TRPM3: variants seen among roughly 807,000 people sequenced by gnomAD.
TRPM3 encodes the protein long transient receptor potential channel 3.
TRPM3 carries 77 observed loss-of-function variants against 181.2 expected under a neutral mutation model. The ratio of observed to expected loss-of-function variants is 0.42; its 90% CI spans 0.35 to 0.51. TRPM3 has a LOEUF of 0.51. Ranked by LOEUF, TRPM3 falls within the 20% of genes least tolerant of loss-of-function variation. The pLI is 0.01. For synonymous variants in TRPM3, 745 were observed against 796.4 expected (o/e 0.94, Z 1.09); for missense variants, 1,759 against 2,196.7 (o/e 0.80, Z 3.98).
chr9:71,426,160 C>T (rs1014122340), intron 1 of TRPM3, among the ~76,000 whole-genome samples: 3 of 152,080 alleles, frequency 2.0e-5, no homozygotes, highest in African/African-American at 4.8e-5. Flanking sequence ...GTAAGCCCAG[C>T]GCCTAGGACA....
chr9:70,547,341 A>C (rs2045250987), intron 25 of TRPM3, among the ~76,000 whole-genome samples: 1 of 152,026 alleles, frequency 6.6e-6, no homozygotes, highest in Non-Finnish European at 1.5e-5. Context: ...TGCTCAATCA[A>C]ATGTAAATAA....
chr9:71,305,991 A>T (rs559201509), intron 1 of TRPM3, among the ~76,000 whole-genome samples: 1 of 152,242 alleles, frequency 6.6e-6, no homozygotes, highest in Non-Finnish European at 1.5e-5. Flanking sequence ...TACACACTAA[A>T]CTTTCCCATT....
rs183905516 is a variant in TRPM3 at position 71,320,337 on chromosome 9, T to G, written c.183+126316A>C. Among the ~76,000 whole-genome samples, 534 of 149,020 alleles carry G rather than the reference T, an allele frequency of 3.6e-3. 2 individuals are homozygous for G. Among genetic ancestry groups the G allele is most frequent in the Non-Finnish European group, 5.4e-3 (362 of 67,224 alleles). ...TGTTAATTAAAAAAAAAAAAACAAA[T>G]GCTTATTACATGGTCTGAACACTGA... On this transcript the variant is annotated intron_variant, in intron 1 of 24. Transcript: ENST00000357533.
chr9:71,333,859 G>C (rs2090381298), intron 1 of TRPM3, among the ~76,000 whole-genome samples: 1 of 151,918 alleles, frequency 6.6e-6, no homozygotes, highest in South Asian at 2.1e-4. Flanking sequence ...CCAGATTCCA[G>C]TGTGTGAAAT....
At position 71,094,091 on chromosome 9, in the gene TRPM3, G is replaced by T. The variant is rs559802708; in HGVS notation, c.177+27087C>A. ...TCACACACTGGGGCCTGTCAGGGGT[G>T]GGGGTGGGGGGCAAGGGGAGGGAGA... On this transcript the variant is annotated intron_variant, in intron 1 of 25. Transcript: ENST00000677713. Among the ~76,000 whole-genome samples the T allele has an allele frequency of 1.3e-5, 2 of 149,798 alleles. 1 individual carries two copies. The highest frequency in any genetic ancestry group is 4.0e-4 in the East Asian group (2 of 5,016).
At chr9:70,967,911 G>A (rs1186830193) in intron 1 of TRPM3, among the ~76,000 whole-genome samples, 1 of 152,024 alleles carries the variant, frequency 6.6e-6, no homozygotes, top group Non-Finnish European at 1.5e-5. Flanking sequence ...CCATAGAAAC[G>A]AAGCTGGAAT....
rs371817323 is a variant in TRPM3, at chr9:70,876,024, C to T, written c.178-11513G>A. Among the ~76,000 whole-genome samples, 234 of 151,874 alleles carry T rather than the reference C, an allele frequency of 1.5e-3. 1 individual carries two copies. The highest frequency in any genetic ancestry group is 4.8e-3 in the African/African-American group (197 of 41,468). ...TTATGCAGATTTAGATCCTCAACTGCTCCAAATAAAAAGGTAGAAGGGTAA... is the reference window on the plus strand; with the variant it reads ...TTATGCAGATTTAGATCCTCAACTGTTCCAAATAAAAAGGTAGAAGGGTAA... On this transcript the variant is annotated intron_variant, in intron 1 of 25. Transcript: ENST00000677713.
intron 1 of TRPM3, among the ~76,000 whole-genome samples, chr9:70,907,947 A>G (rs777559958): frequency 1.3e-5 from 2 of 152,276 alleles, no homozygotes; most frequent in Non-Finnish European, 2.9e-5. Context: ...TCTTTATCCA[A>G]TCCACAACTG....
At chr9:71,102,752 T>C (rs2068640446) in intron 1 of TRPM3, among the ~76,000 whole-genome samples, 1 of 152,206 alleles carries the variant, frequency 6.6e-6, no homozygotes, top group Admixed American at 6.5e-5. Flanking sequence ...CTACTACATT[T>C]TTATTAGAAA....
intron 1 of TRPM3, among the ~76,000 whole-genome samples, chr9:71,203,202 G>A (rs1009323238): frequency 3.3e-5 from 5 of 152,226 alleles, no homozygotes; most frequent in African/African-American, 1.2e-4. Flanking sequence ...GAACAAGACA[G>A]AGCTGGTTAG....
At chr9:71,444,657 T>G (rs1262487986) in intron 1 of TRPM3, among the ~76,000 whole-genome samples, 1 of 152,138 alleles carries the variant, frequency 6.6e-6, no homozygotes, top group Non-Finnish European at 1.5e-5. Flanking sequence ...TTAAAAACTT[T>G]TATAAGCATG....
intron 25 of TRPM3, among the ~76,000 whole-genome samples, chr9:70,548,847 G>GCTCTCTCTCTCTCT (rs56761379): frequency 5.2e-4 from 78 of 150,176 alleles, no homozygotes; most frequent in South Asian, 4.0e-3. Context: ...AAGATCTTGT[G>GCTCTCTCTCTCTCT]CTCTCTCTCT....
intron 1 of TRPM3, among the ~76,000 whole-genome samples, chr9:71,396,423 G>T (rs2093196175): frequency 6.6e-6 from 1 of 151,850 alleles, no homozygotes; most frequent in Non-Finnish European, 1.5e-5. Context: ...TTGATCTAAA[G>T]CAACTATAAA....
At position 70,863,132 on chromosome 9, in the gene TRPM3, A is replaced by C. The variant is rs1247121070; in HGVS notation, c.258-20T>G. On this transcript the variant is annotated intron_variant, in intron 2 of 25. Transcript: ENST00000677713. ...CAACACCTATAACAGAAGAGGTTAA[A>C]GTGAACCCCTGGTATTAGTCACTAT... 1.2e-6 allele frequency: 2 copies of C among 1,606,782 alleles called. No individual in the cohort carries two copies. The highest frequency in any genetic ancestry group is 3.3e-5 in the Admixed American group (2 of 59,718).
intron 1 of TRPM3, among the ~76,000 whole-genome samples, chr9:71,194,192 T>A (rs925150084): frequency 1.3e-5 from 2 of 151,944 alleles, no homozygotes; most frequent in Non-Finnish European, 1.5e-5. Flanking sequence ...GAAATTTTCA[T>A]TAAGTGTTTG....
chr9:71,144,831 G>A (rs1565273271), intron 1 of TRPM3, among the ~76,000 whole-genome samples: 1 of 151,900 alleles, frequency 6.6e-6, no homozygotes, highest in African/African-American at 2.4e-5. Context: ...AATTTTAATG[G>A]AAAAAAATGA....
chr9:71,382,312 T>G (rs752925850), intron 1 of TRPM3, among the ~76,000 whole-genome samples: 5 of 152,192 alleles, frequency 3.3e-5, no homozygotes, highest in Non-Finnish European at 7.4e-5. Flanking sequence ...ATTTACCATG[T>G]GCCAAATGCA....
intron 1 of TRPM3, among the ~76,000 whole-genome samples, chr9:71,050,764 G>A (rs763684280): frequency 2.0e-5 from 3 of 152,274 alleles, no homozygotes; most frequent in Non-Finnish European, 4.4e-5. Context: ...CGGAATGCAG[G>A]TCATCTACAC....
intron 1 of TRPM3, among the ~76,000 whole-genome samples, chr9:71,059,485 G>A (rs1449198137): frequency 6.6e-6 from 1 of 152,034 alleles, no homozygotes; most frequent in Non-Finnish European, 1.5e-5. Context: ...TAAGGATACA[G>A]CCTGTGACAG....
Sources: allele counts gnomAD v4.1 joint callset (sites outside exome capture counted in the v4.1 genomes callset), GRCh38; gene constraint gnomAD v4.1.1; transcripts MANE v1.5; gene names NCBI Gene and HGNC (gene_info 2026-07-23, HGNC 2026-07-21).